Variants in LUZP2 observed in about 807,000 individuals in gnomAD.
The protein encoded by LUZP2 is leucine zipper protein 2.
A neutral mutation model predicts 51.6 loss-of-function variants in LUZP2; 52 were observed. The ratio of observed to expected loss-of-function variants is 1.01; its 90% CI spans 0.81 to 1.27. LUZP2 has a LOEUF of 1.27. Ranked by LOEUF, LUZP2 falls within the 50% of genes most tolerant of loss-of-function variation. The pLI, the probability that LUZP2 is intolerant of heterozygous loss-of-function variation, is 0.00. For synonymous variants in LUZP2, 154 were observed against 137.3 expected, an observed-to-expected ratio of 1.12 and a Z score of -0.85; for missense variants, 436 against 395.4, an observed-to-expected ratio of 1.10 and a Z score of -0.87.
chr11:24,525,142 T>A (rs915503353), intron 1 of LUZP2, among the ~76,000 whole-genome samples: 1 of 151,702 alleles, frequency 6.6e-6, no homozygotes, highest in Non-Finnish European at 1.5e-5. Context: ...TATTGAGCAT[T>A]TTGCTTTATT....
chr11:24,884,721 G>T (rs1389651234), intron 5 of LUZP2, among the ~76,000 whole-genome samples: 1 of 151,898 alleles, frequency 6.6e-6, no homozygotes, highest in African/African-American at 2.4e-5. Flanking sequence ...CCTATTATTT[G>T]CCCAACTCCT....
At chr11:24,699,283 C>T (rs1259107637) in intron 1 of LUZP2, among the ~76,000 whole-genome samples, 1 of 152,078 alleles carries the variant, frequency 6.6e-6, no homozygotes, top group African/African-American at 2.4e-5. Context: ...TTACTAGAAT[C>T]CATGTTGCTT....
At chr11:24,737,765 A>G (rs1858997344) in intron 3 of LUZP2, among the ~76,000 whole-genome samples, 1 of 152,090 alleles carries the variant, frequency 6.6e-6, no homozygotes, top group African/African-American at 2.4e-5. Context: ...CTTACAAAGG[A>G]TGTATAAAGC....
At chr11:24,921,106 G>T (rs1854039069) in intron 7 of LUZP2, among the ~76,000 whole-genome samples, 1 of 152,054 alleles carries the variant, frequency 6.6e-6, no homozygotes. Flanking sequence ...CCACTGATAG[G>T]ATTAACGACA....
chr11:24,946,112 T>A (rs1254034058), intron 7 of LUZP2, among the ~76,000 whole-genome samples: 1 of 152,098 alleles, frequency 6.6e-6, no homozygotes, highest in Admixed American at 6.6e-5. Context: ...GGGTAATATT[T>A]TCAAAGTTCA....
intron 7 of LUZP2, among the ~76,000 whole-genome samples, chr11:24,963,575 C>T (rs905891787): frequency 1.1e-4 from 17 of 149,268 alleles, no homozygotes; most frequent in Admixed American, 6.8e-4. Flanking sequence ...GAGCCATGTG[C>T]GGGATATAAT....
chr11:24,811,937 CA>C (rs1850035430), intron 5 of LUZP2, among the ~76,000 whole-genome samples: 1 of 152,036 alleles, frequency 6.6e-6, no homozygotes, highest in South Asian at 2.1e-4. Flanking sequence ...GAAGAAATTC[CA>C]GTGAGTATGG....
At chr11:24,716,548 T>C (rs145126973) in intron 1 of LUZP2, among the ~76,000 whole-genome samples, 94 of 152,152 alleles carry the variant, frequency 6.2e-4, no homozygotes, top group African/African-American at 2.0e-3. Flanking sequence ...CAGGAGCCTG[T>C]TTTTCAACAC....
At chr11:24,552,029 A>T (rs1044560189) in intron 1 of LUZP2, among the ~76,000 whole-genome samples, 24 of 152,018 alleles carry the variant, frequency 1.6e-4, no homozygotes, top group Non-Finnish European at 3.1e-4. Context: ...TAATTCTTAT[A>T]TAAGCCCCTC....
intron 1 of LUZP2, among the ~76,000 whole-genome samples, chr11:24,538,833 C>T (rs1207722587): frequency 1.3e-5 from 2 of 151,748 alleles, no homozygotes; most frequent in East Asian, 3.9e-4. Context: ...TGATTAAATA[C>T]ATTGTGCTCT....
At position 24,497,261 on chromosome 11, in the gene LUZP2, G is replaced by C. The variant is rs144668397; in HGVS notation, c.18G>C (p.Ala6=). The change falls in exon 1 of 12, where the codon GCG becomes GCC. Residue 6 remains alanine (A), a synonymous_variant. Transcript: ENST00000336930. MKFSP[A]HYLLPLLPAL... ...GCAGCAGCATGAAATTCAGCCCAGC[G>C]CACTACCTGCTGCCTCTCCTGCCTG... 47 of 1,565,014 alleles carry C rather than the reference G, an allele frequency of 3.0e-5. No individual in the cohort carries two copies. The highest frequency in any genetic ancestry group is 5.6e-5 in the African/African-American group (4 of 71,676).
chr11:24,692,428 T>G, intron 1 of LUZP2, among the ~76,000 whole-genome samples: 1 of 152,196 alleles, frequency 6.6e-6, no homozygotes, highest in South Asian at 2.1e-4. Flanking sequence ...ACGGTCTTTT[T>G]TAGCATGAAG....
intron 5 of LUZP2, among the ~76,000 whole-genome samples, chr11:24,798,636 T>C (rs1590548323): frequency 6.6e-6 from 1 of 151,972 alleles, no homozygotes; most frequent in South Asian, 2.1e-4. Flanking sequence ...AGATGGAGAG[T>C]GCAGAATTAT....
chr11:24,639,747 G>A (rs181918743), intron 1 of LUZP2, among the ~76,000 whole-genome samples: 28 of 151,838 alleles, frequency 1.8e-4, no homozygotes, highest in Admixed American at 5.9e-4. Flanking sequence ...CACTGTGCCC[G>A]GCCTTAATGT....
In LUZP2 at chr11:24,519,211, C is replaced by T. The variant is rs12292459; in HGVS notation, c.62+21906C>T. Among the ~76,000 whole-genome samples the T allele has an allele frequency of 3.6e-3, 554 of 152,198 alleles. 2 individuals carry two copies. The highest frequency in any genetic ancestry group is 0.012 in the African/African-American group (514 of 41,532). On this transcript the variant is annotated intron_variant, in intron 1 of 11. Transcript: ENST00000336930. ...TACCATCCTCTTTATATTTTGACTA[C>T]AAATCTTATTTTCTACTTTGACTTC...
intron 1 of LUZP2, among the ~76,000 whole-genome samples, chr11:24,585,418 T>C (rs910034229): frequency 2.0e-5 from 3 of 152,212 alleles, no homozygotes; most frequent in Non-Finnish European, 1.5e-5. Flanking sequence ...GTGAATTTTA[T>C]ATCTTTTACT....
At chr11:24,520,122 G>C (rs1003457711) in intron 1 of LUZP2, among the ~76,000 whole-genome samples, 2 of 152,146 alleles carry the variant, frequency 1.3e-5, no homozygotes, top group Non-Finnish European at 2.9e-5. Flanking sequence ...GGAGAATTTT[G>C]AATGGGAGAA....
intron 7 of LUZP2, among the ~76,000 whole-genome samples, chr11:24,963,151 G>T (rs1158337759): frequency 2.0e-5 from 3 of 152,140 alleles, no homozygotes; most frequent in African/African-American, 7.2e-5. Context: ...ACCCGGCCGT[G>T]TGAAGTGTCA....
chr11:24,730,424 A>G (rs1047498265), intron 2 of LUZP2, among the ~76,000 whole-genome samples: 3 of 151,550 alleles, frequency 2.0e-5, no homozygotes, highest in Non-Finnish European at 1.5e-5. Context: ...AAAAAATTAT[A>G]CACAACCCAG....
Sources: allele counts gnomAD v4.1 joint callset (sites outside exome capture counted in the v4.1 genomes callset), GRCh38; gene constraint gnomAD v4.1.1; transcripts MANE v1.5; gene names NCBI Gene and HGNC (gene_info 2026-07-23, HGNC 2026-07-21).